Variants in USP6 observed in about 807,000 individuals in gnomAD.
The protein encoded by USP6 is ubiquitin specific peptidase 6.
USP6 carries 128 observed loss-of-function variants against 175.7 expected under a neutral mutation model. The ratio of observed to expected loss-of-function variants is 0.73; its 90% CI spans 0.63 to 0.84. USP6 has a LOEUF of 0.84. Among genes scored for constraint, USP6 ranks in the 40% least tolerant of loss-of-function variants. The probability of loss-of-function intolerance (pLI) is 0.00; values close to 1 mark genes in which losing one functional copy is unlikely to be tolerated. For synonymous variants in USP6, 562 were observed against 630.6 expected (o/e 0.89, Z 1.63); for missense variants, 1,498 against 1,760.3 (o/e 0.85, Z 2.67).
At chr17:5,156,068 A>G (rs2073877388) in intron 31 of USP6, among the ~76,000 whole-genome samples, 1 of 152,224 alleles carries the variant, frequency 6.6e-6, no homozygotes, top group Non-Finnish European at 1.5e-5. Context: ...ACAAAAAATA[A>G]TTCTGTTGGA....
At chr17:5,119,792 C>T (rs987414459) in intron 2 of USP6, among the ~76,000 whole-genome samples, 56 of 152,212 alleles carry the variant, frequency 3.7e-4, no homozygotes, top group African/African-American at 1.4e-3. Flanking sequence ...CAGCCATCAT[C>T]TCAGCTGATA....
chr17:5,143,350 GT>G, intron 25 of USP6, among the ~76,000 whole-genome samples: 1 of 152,246 alleles, frequency 6.6e-6, no homozygotes, highest in East Asian at 1.9e-4. Flanking sequence ...AAATCGGATG[GT>G]TGCTGTGTCT....
At chr17:5,131,652 G>C (rs1258298293) in intron 11 of USP6, among the ~76,000 whole-genome samples, 1 of 150,226 alleles carries the variant, frequency 6.7e-6, no homozygotes, top group Non-Finnish European at 1.5e-5. Context: ...CCCCATTCTG[G>C]GCCTCTCACG....
chr17:5,120,298 G>C (rs2072624243), intron 2 of USP6, among the ~76,000 whole-genome samples: 1 of 152,118 alleles, frequency 6.6e-6, no homozygotes, highest in Non-Finnish European at 1.5e-5. Context: ...TGGGGGCAAG[G>C]TCAGGGCAGT....
At chr17:5,142,550 T>C in intron 25 of USP6, 48 bp downstream of exon 25, 1 of 1,546,404 alleles carries the variant, frequency 6.5e-7, no homozygotes, top group Non-Finnish European at 8.7e-7. Flanking sequence ...TAAATAGTTG[T>C]TTAATCATTT....
chr17:5,122,185 G>A (rs377707426), intron 4 of USP6, among the ~76,000 whole-genome samples: 4 of 152,062 alleles, frequency 2.6e-5, no homozygotes, highest in East Asian at 3.9e-4. Context: ...GCAGAAGAGA[G>A]GTTATAGCTC....
chr17:5,158,799 A>G (rs1165632428), intron 31 of USP6, among the ~76,000 whole-genome samples: 1 of 152,188 alleles, frequency 6.6e-6, no homozygotes, highest in African/African-American at 2.4e-5. Context: ...GATTTGATAA[A>G]ATGGTCTTTG....
intron 37 of USP6, among the ~76,000 whole-genome samples, chr17:5,172,394 G>A (rs1464577013): frequency 2.0e-5 from 3 of 151,570 alleles, no homozygotes; most frequent in Non-Finnish European, 4.4e-5. Flanking sequence ...AGCCAGATGT[G>A]GTGGCACATG....
intron 21 of USP6, 23 bp downstream of exon 21, chr17:5,138,296 C>T (rs747783642): frequency 1.9e-6 from 3 of 1,612,448 alleles, no homozygotes; most frequent in Non-Finnish European, 2.5e-6. Flanking sequence ...GCCATGTCCC[C>T]TCCCATGTCA....
chr17:5,123,879 A>G (rs922058079), intron 4 of USP6, among the ~76,000 whole-genome samples: 1 of 151,552 alleles, frequency 6.6e-6, no homozygotes, highest in African/African-American at 2.4e-5. Context: ...CCCCTAATGC[A>G]TGCTCGCGCG....
At chr17:5,167,675 T>G (rs1194853444) in intron 33 of USP6, among the ~76,000 whole-genome samples, 1 of 152,020 alleles carries the variant, frequency 6.6e-6, no homozygotes, top group African/African-American at 2.4e-5. Flanking sequence ...ATTTTTAGAT[T>G]TTTCTTTTAC....
At chr17:5,168,200 G>A (rs1306695245) in intron 34 of USP6, 77 bp downstream of exon 34, 2 of 1,469,134 alleles carry the variant, frequency 1.4e-6, no homozygotes, top group South Asian at 1.5e-5. Flanking sequence ...AGGAGGTTTT[G>A]TTATTTTTGA....
intron 30 of USP6, among the ~76,000 whole-genome samples, chr17:5,153,289 CT>C (rs1412974365): frequency 6.6e-6 from 1 of 152,008 alleles, no homozygotes; most frequent in African/African-American, 2.4e-5. Flanking sequence ...TTGAAATGTA[CT>C]TTTTTTTGTT....
At chr17:5,158,232 C>T (rs1288886931) in intron 31 of USP6, among the ~76,000 whole-genome samples, 1 of 152,040 alleles carries the variant, frequency 6.6e-6, no homozygotes, top group Admixed American at 6.6e-5. Context: ...AGTTCATATG[C>T]ATTCCGACAT....
chr17:5,151,536 TGAA>T (rs1322399354), intron 30 of USP6, among the ~76,000 whole-genome samples: 1 of 152,020 alleles, frequency 6.6e-6, no homozygotes, highest in Non-Finnish European at 1.5e-5. Context: ...AAGATACTCT[TGAA>T]GAAGAATAAG....
intron 18 of USP6, 104 bp downstream of exon 18, chr17:5,136,838 C>T (rs2073270618): frequency 1.3e-6 from 2 of 1,519,222 alleles, no homozygotes; most frequent in African/African-American, 1.4e-5. Context: ...CTGGCGGAGT[C>T]CCAGCTAGGG....
Position 5,168,001 on chromosome 17 carries a change from T to G in USP6, c.3106T>G (p.Cys1036Gly), listed in dbSNP as rs761416687. The G allele has an allele frequency of 4.3e-6, 7 of 1,612,004 alleles. No individual in the cohort carries two copies. In the South Asian group the frequency reaches 7.7e-5, roughly 18 times the overall value. Residue 1036 changes from cysteine to glycine, a missense_variant, in exon 34 of 38, where the codon TGT (cysteine) becomes GGT (glycine). Cys to Gly is a radical substitution (Grantham distance 159). This residue lies in a region of USP6 where 1,217 missense variants were observed against 1,500.8 expected (regional missense o/e 0.81). Transcript: ENST00000574788. ...AQAEPINLDS[C>G]LRAFTSEEEL... ...AGCCGAGCCCATCAACCTGGACAGC[T>G]GTCTCCGTGCTTTCACCAGTGAGGA...
intron 36 of USP6, 71 bp downstream of exon 36, chr17:5,170,986 G>A: frequency 6.5e-7 from 1 of 1,545,570 alleles, no homozygotes; most frequent in Non-Finnish European, 8.8e-7. Context: ...GTATTCATCA[G>A]CAAGTATTTT....
At chr17:5,167,204 ATGTTAT>A (rs1380573044) in intron 33 of USP6, among the ~76,000 whole-genome samples, 8 of 151,966 alleles carry the variant, frequency 5.3e-5, no homozygotes, top group African/African-American at 1.9e-4. Context: ...TCTGTGTTTC[ATGTTAT>A]TTCTCCTAGC....
Sources: allele counts gnomAD v4.1 joint callset (sites outside exome capture counted in the v4.1 genomes callset), GRCh38; gene constraint gnomAD v4.1.1; regional missense constraint gnomAD v4.1.1; transcripts MANE v1.5; gene names NCBI Gene and HGNC (gene_info 2026-07-23, HGNC 2026-07-21).